The following XPO4 variants were observed in gnomAD, a reference collection of about 807,000 sequenced individuals.
XPO4 encodes exportin 4.
XPO4 carries 39 observed loss-of-function variants against 143.0 expected under a neutral mutation model. The ratio of observed to expected loss-of-function variants is 0.27; its 90% CI spans 0.21 to 0.36. XPO4 has a LOEUF of 0.36. Ranked by LOEUF, XPO4 falls within the 10% of genes least tolerant of loss-of-function variation. The probability of loss-of-function intolerance (pLI) is 1.00; values close to 1 mark genes in which losing one functional copy is unlikely to be tolerated. For synonymous variants in XPO4, 439 were observed against 474.0 expected (o/e 0.93, Z 0.96); for missense variants, 907 against 1,348.0 (o/e 0.67, Z 5.12).
In XPO4 at chr13:20,827,184, T is replaced by C. The variant is rs1164781683; in HGVS notation, c.728-5A>G. 4.4e-6 allele frequency: 7 copies of C among 1,603,720 alleles called. No homozygotes were observed. Among genetic ancestry groups the C allele is most frequent in the Middle Eastern group, 1.7e-4 (1 of 6,032 alleles). On this transcript the variant is annotated splice_region_variant and splice_polypyrimidine_tract_variant and intron_variant, in intron 6 of 22. Transcript: ENST00000255305. ...TAGCTATATAATGTCTGCCCAGTTA[T>C]TTGGTGTCAAGGTCAACAACAATAA...
intron 2 of XPO4, chr13:20,865,691 A>G (rs531790626): frequency 1.4e-6 from 1 of 725,950 alleles, no homozygotes; most frequent in Non-Finnish European, 1.7e-6. Flanking sequence ...GTTTTTTTAA[A>G]AAAGAAAAAA....
chr13:20,875,794 T>G (rs1184309295), intron 1 of XPO4, among the ~76,000 whole-genome samples: 1 of 152,194 alleles, frequency 6.6e-6, no homozygotes, highest in Non-Finnish European at 1.5e-5. Context: ...ATGCTGCTAA[T>G]GAATTCATCT....
Position 20,799,002 on chromosome 13 carries a change from C to T in XPO4, c.2322+163G>A, listed in dbSNP as rs1271234935. 2.1e-5 allele frequency among the ~76,000 whole-genome samples: 3 copies of T among 143,432 alleles called. No individual in the cohort carries two copies. The Admixed American group carries it at 2.2e-4, about 10-fold the overall frequency. 94.1% of individuals were successfully genotyped at this position (143,432 alleles called of 152,430 possible). A position where few individuals can be genotyped will look rare whatever the true frequency, so the allele number is the denominator to read the frequency against. ...CACCACTGTACTCCAGCCTGGGCAA[C>T]AGAGTAAGACCCTATCTCAGAAAAA... is the stretch of plus-strand genomic sequence containing the variant. On this transcript the variant is annotated intron_variant, in intron 16 of 22. Transcript: ENST00000255305.
At chr13:20,866,126 A>C in intron 2 of XPO4, 1 of 984,184 alleles carries the variant, frequency 1.0e-6, no homozygotes, top group Non-Finnish European at 1.2e-6. Context: ...TTTTAAAGGA[A>C]CATTTGATCC....
chr13:20,850,264 C>T (rs1362132976), intron 4 of XPO4: 1 of 983,622 alleles, frequency 1.0e-6, no homozygotes, highest in Non-Finnish European at 1.2e-6. Context: ...ACTAGGGAGA[C>T]GGCACAAATA....
chr13:20,833,142 T>C (rs577168096), intron 6 of XPO4, among the ~76,000 whole-genome samples: 1 of 152,278 alleles, frequency 6.6e-6, no homozygotes, highest in East Asian at 1.9e-4. Flanking sequence ...ATATTTATAG[T>C]GAACAAACAT....
intron 1 of XPO4, among the ~76,000 whole-genome samples, chr13:20,882,347 G>T (rs2060419420): frequency 6.6e-6 from 1 of 152,074 alleles, no homozygotes; most frequent in African/African-American, 2.4e-5. Context: ...GAGACCAAGA[G>T]CTTTCAATCA....
At chr13:20,827,872 A>C (rs1160689557) in intron 6 of XPO4, among the ~76,000 whole-genome samples, 5 of 152,212 alleles carry the variant, frequency 3.3e-5, no homozygotes. Context: ...AAACAAAGTA[A>C]CCATCATATA....
At chr13:20,877,135 C>T (rs2060360620) in intron 1 of XPO4, among the ~76,000 whole-genome samples, 1 of 152,212 alleles carries the variant, frequency 6.6e-6, no homozygotes, top group Non-Finnish European at 1.5e-5. Context: ...GTCCAGCTGG[C>T]TTCCCCTCTC....
chr13:20,824,361 G>C (rs1268270859), intron 7 of XPO4, among the ~76,000 whole-genome samples: 1 of 152,124 alleles, frequency 6.6e-6, no homozygotes, highest in Non-Finnish European at 1.5e-5. Flanking sequence ...TCTGTCAACA[G>C]ATAGAATGTA....
chr13:20,789,558 C>CTTTT (rs1284179228), intron 19 of XPO4, among the ~76,000 whole-genome samples: 4 of 148,038 alleles, frequency 2.7e-5, no homozygotes, highest in African/African-American at 1.0e-4. Context: ...CCACACCCGG[C>CTTTT]TTTTTTTTTG....
At chr13:20,796,610 A>C (rs918808748) in intron 17 of XPO4, among the ~76,000 whole-genome samples, 154 bp downstream of exon 17, 1 of 152,134 alleles carries the variant, frequency 6.6e-6, no homozygotes, top group Non-Finnish European at 1.5e-5. Context: ...TCTCTAAATT[A>C]TAAGTTCTTT....
intron 9 of XPO4, among the ~76,000 whole-genome samples, chr13:20,819,261 G>A (rs1007022396): frequency 6.6e-6 from 1 of 152,170 alleles, no homozygotes; most frequent in Non-Finnish European, 1.5e-5. Context: ...ATGACTGCCT[G>A]GCCTGTAACT....
chr13:20,856,305 T>C (rs1364691542), intron 3 of XPO4: 6 of 984,250 alleles, frequency 6.1e-6, no homozygotes, highest in Non-Finnish European at 7.2e-6. Context: ...TATGGAAACA[T>C]AAAATTGTAA....
chr13:20,846,592 C>A (rs1320102529), intron 4 of XPO4, among the ~76,000 whole-genome samples: 1 of 152,112 alleles, frequency 6.6e-6, no homozygotes. Flanking sequence ...AGACTTAGCC[C>A]CCTGAACACG....
rs61954189 is a variant in XPO4 at position 20,844,356 on chromosome 13, A to G, written c.457-470T>C. Among the ~76,000 whole-genome samples, 304 of 152,298 alleles carry G rather than the reference A, an allele frequency of 2.0e-3. 1 individual carries two copies. The highest frequency in any genetic ancestry group is 7.5e-3 in the South Asian group (36 of 4,830). Reference sequence around the variant, plus strand: ...TGCATTCCCAAATAGATGAAAAGTGAAACAGATTTTATAGTGTCCAAAATA... The same window carrying G: ...TGCATTCCCAAATAGATGAAAAGTGGAACAGATTTTATAGTGTCCAAAATA... On this transcript the variant is annotated intron_variant, in intron 4 of 22. Coordinates refer to ENST00000255305, the MANE Select transcript of XPO4 (RefSeq NM_022459.5).
chr13:20,844,967 T>TC (rs1329716656), intron 4 of XPO4, among the ~76,000 whole-genome samples: 1 of 152,208 alleles, frequency 6.6e-6, no homozygotes, highest in Non-Finnish European at 1.5e-5. Context: ...GGTCAGGAGT[T>TC]CGAGACCAGC....
chr13:20,899,709 C>CAACT (rs1441347760), intron 1 of XPO4, among the ~76,000 whole-genome samples: 5 of 152,148 alleles, frequency 3.3e-5, no homozygotes, highest in African/African-American at 4.8e-5. Context: ...TTCCATAAAA[C>CAACT]AACTATATGA....
chr13:20,868,556 T>A, intron 2 of XPO4, 40 bp downstream of exon 2: 1 of 1,597,302 alleles, frequency 6.3e-7, no homozygotes, highest in Admixed American at 1.7e-5. Flanking sequence ...CCAGATCTGA[T>A]TATGCCAAAA....
Sources: allele counts gnomAD v4.1 joint callset (sites outside exome capture counted in the v4.1 genomes callset), GRCh38; gene constraint gnomAD v4.1.1; transcripts MANE v1.5; gene names NCBI Gene and HGNC (gene_info 2026-07-23, HGNC 2026-07-21).